ARID2: variants seen among roughly 807,000 people sequenced by gnomAD.
ARID2 encodes AT-rich interaction domain 2, also known as AT-rich interactive domain-containing protein 2.
Under a neutral mutation model 184.6 loss-of-function variants are expected in ARID2, and 32 were observed. That is an observed-to-expected ratio of 0.17 (90% confidence interval 0.13 to 0.23). ARID2 has a LOEUF of 0.23. Among genes scored for constraint, ARID2 ranks in the 10% least tolerant of loss-of-function variants. ARID2 has a pLI of 1.00. For synonymous variants in ARID2, 836 were observed against 772.6 expected (o/e 1.08, Z -1.36); for missense variants, 1,696 against 2,197.6 (o/e 0.77, Z 4.56).
chr12:45,820,088 TTGTC>T (rs1422364025), intron 5 of ARID2, among the ~76,000 whole-genome samples: 6 of 152,126 alleles, frequency 3.9e-5, no homozygotes, highest in Non-Finnish European at 8.8e-5. Context: ...AAAGAAAACT[TTGTC>T]TGTCTTTAGT....
chr12:45,777,808 TA>T (rs1394474450), intron 3 of ARID2, among the ~76,000 whole-genome samples: 12 of 147,782 alleles, frequency 8.1e-5, no homozygotes, highest in Middle Eastern at 3.6e-3. Flanking sequence ...ATATATATTT[TA>T]TTTTTTTATA....
chr12:45,742,794 G>A (rs1941288114), intron 3 of ARID2, among the ~76,000 whole-genome samples: 3 of 152,188 alleles, frequency 2.0e-5, no homozygotes, highest in African/African-American at 7.2e-5. Context: ...TGTTGCAGCT[G>A]TGTCTTTAGA....
chr12:45,815,554 G>A (rs1942789693), intron 4 of ARID2, among the ~76,000 whole-genome samples: 3 of 152,040 alleles, frequency 2.0e-5, no homozygotes, highest in African/African-American at 7.2e-5. Context: ...TTCTTCTGTG[G>A]TATGTTGTGA....
At chr12:45,845,497 C>T (rs1046693246) in intron 11 of ARID2, among the ~76,000 whole-genome samples, 1 of 152,100 alleles carries the variant, frequency 6.6e-6, no homozygotes, top group Admixed American at 6.6e-5. Context: ...CTATCTCCAC[C>T]GTGTTCCTGG....
intron 3 of ARID2, among the ~76,000 whole-genome samples, chr12:45,742,974 A>G (rs935273902): frequency 3.3e-5 from 5 of 152,130 alleles, no homozygotes; most frequent in African/African-American, 7.2e-5. Flanking sequence ...GGCTTGTTAA[A>G]TTTCTCTAAT....
At chr12:45,858,256 G>A (rs567338583) in intron 15 of ARID2, among the ~76,000 whole-genome samples, 3 of 152,080 alleles carry the variant, frequency 2.0e-5, no homozygotes, top group Admixed American at 1.3e-4. Flanking sequence ...AGCTACTCAG[G>A]AGGCTGAGGT....
intron 16 of ARID2, among the ~76,000 whole-genome samples, chr12:45,870,687 G>A (rs1409277772): frequency 6.6e-6 from 1 of 152,072 alleles, no homozygotes; most frequent in Non-Finnish European, 1.5e-5. Context: ...TTTCCAGAAT[G>A]TAATATAGTT....
chr12:45,863,705 A>G (rs1479629644), intron 16 of ARID2, among the ~76,000 whole-genome samples: 3 of 152,096 alleles, frequency 2.0e-5, no homozygotes, highest in African/African-American at 7.2e-5. Flanking sequence ...TGAAATAGCT[A>G]TGTGCTCTCT....
At chr12:45,837,765 T>C in intron 10 of ARID2, 58 bp downstream of exon 10, 1 of 1,507,898 alleles carries the variant, frequency 6.6e-7, no homozygotes, top group Non-Finnish European at 9.1e-7. Flanking sequence ...TTTAATATGG[T>C]ACTGTACAAA....
At chr12:45,860,676 A>T (rs1943727289) in intron 15 of ARID2, 125 bp from the exon 16 acceptor site, 2 of 862,394 alleles carry the variant, frequency 2.3e-6, no homozygotes, top group African/African-American at 1.8e-5. Context: ...ATAAGCTTAA[A>T]ATTATAAAAT....
At chr12:45,846,977 G>A (rs2138150973) in intron 12 of ARID2, 40 bp downstream of exon 12, 2 of 1,571,914 alleles carry the variant, frequency 1.3e-6, no homozygotes, top group Non-Finnish European at 1.7e-6. Flanking sequence ...TCCTTGGGAG[G>A]AGTAAAGCAA....
intron 3 of ARID2, among the ~76,000 whole-genome samples, chr12:45,765,711 G>C (rs941141203): frequency 6.6e-6 from 1 of 151,900 alleles, no homozygotes; most frequent in African/African-American, 2.4e-5. Flanking sequence ...TTAGCTTTTT[G>C]AATTGTATAA....
intron 3 of ARID2, 89 bp downstream of exon 3, chr12:45,731,403 C>T (rs999872081): frequency 1.2e-6 from 1 of 853,540 alleles, no homozygotes. Context: ...AAACCTTGCA[C>T]ACCAAACAGT....
intron 16 of ARID2, among the ~76,000 whole-genome samples, chr12:45,885,058 G>C (rs1391783141): frequency 6.6e-6 from 1 of 151,174 alleles, no homozygotes; most frequent in African/African-American, 2.4e-5. Flanking sequence ...CTCTTTAATA[G>C]TGTAGTTAGT....
At chr12:45,817,122 G>A (rs775980173) in intron 4 of ARID2, among the ~76,000 whole-genome samples, 2 of 152,180 alleles carry the variant, frequency 1.3e-5, no homozygotes, top group African/African-American at 2.4e-5. Context: ...TTGGGAGGCC[G>A]CAGCCGGAGA....
intron 2 of ARID2, among the ~76,000 whole-genome samples, chr12:45,730,873 C>CT (rs564524227): frequency 0.025 from 2,399 of 96,676 alleles, 74 homozygotes; most frequent in African/African-American, 0.075. Flanking sequence ...TCCTTTTGAA[C>CT]TTTTTTTTTT....
At position 45,907,103 on chromosome 12, in the gene ARID2, G is replaced by A; in HGVS notation, c.*2025G>A. On this transcript the variant is annotated 3_prime_UTR_variant, in exon 21 of 21. Transcript: ENST00000334344. ...TTCATCTAATATTAGTTATAAGGTT[G>A]TGGAATTTATGCTTGGCCCACCTTC... The A allele has an allele frequency of 4.3e-6, 1 of 232,590 alleles. No homozygotes were observed. Among genetic ancestry groups the A allele is most frequent in the East Asian group, 6.1e-5 (1 of 16,478 alleles). 14.4% of individuals were successfully genotyped at this position (232,590 alleles called of 1,614,324 possible).
In ARID2 at chr12:45,850,553, A is replaced by G. The variant is rs1592119288; in HGVS notation, c.2430A>G (p.Ala810=). Residue 810 remains alanine (A), a synonymous_variant, in exon 15 of 21, where the codon GCA becomes GCG. Coordinates refer to ENST00000334344, the MANE Select transcript of ARID2 (RefSeq NM_152641.4). ...HMFGRVQNIP[A]CTSTVSQGQQ... ...TTGGCAGAGTACAGAACATACCAGC[A>G]TGTACTTCTACAGTTTCACAGGGTC... 1 of 1,614,124 alleles carries G rather than the reference A, an allele frequency of 6.2e-7. No homozygotes were observed. The highest frequency in any genetic ancestry group is 8.5e-7 in the Non-Finnish European group (1 of 1,180,006).
At chr12:45,748,443 A>G (rs1257553415) in intron 3 of ARID2, among the ~76,000 whole-genome samples, 1 of 152,198 alleles carries the variant, frequency 6.6e-6, no homozygotes, top group Non-Finnish European at 1.5e-5. Context: ...GCTGACAATC[A>G]TCTGAGTTTT....
Sources: gnomAD v4.1 joint callset for allele counts (sites outside exome capture counted in the v4.1 genomes callset) on GRCh38, gnomAD v4.1.1 for gene constraint, MANE v1.5 for transcripts, NCBI Gene and HGNC (gene_info 2026-07-23, HGNC 2026-07-21) for gene names.